TRIM2: variants seen among roughly 807,000 people sequenced by gnomAD.
TRIM2 encodes the protein tripartite motif containing 2.
TRIM2 carries 20 observed loss-of-function variants against 75.2 expected under a neutral mutation model. That is an observed-to-expected ratio of 0.27 (90% CI 0.19 to 0.39). TRIM2 has a LOEUF of 0.39. Among genes scored for constraint, TRIM2 ranks in the 10% least tolerant of loss-of-function variants. The probability of loss-of-function intolerance (pLI) is 1.00; values close to 1 mark genes in which losing one functional copy is unlikely to be tolerated. For synonymous variants in TRIM2, 373 were observed against 388.3 expected, an observed-to-expected ratio of 0.96 and a Z score of 0.46; for missense variants, 660 against 990.8, an observed-to-expected ratio of 0.67 and a Z score of 4.48.
intron 1 of TRIM2, among the ~76,000 whole-genome samples, chr4:153,164,582 CTT>C (rs1730094589): frequency 6.6e-6 from 1 of 152,180 alleles, no homozygotes; most frequent in South Asian, 2.1e-4. Flanking sequence ...ATCAAAGTCT[CTT>C]TCCTACCCTG....
At chr4:153,159,595 A>G (rs189816503) in intron 1 of TRIM2, among the ~76,000 whole-genome samples, 4 of 152,246 alleles carry the variant, frequency 2.6e-5, no homozygotes. Context: ...CATGAGCCAC[A>G]CCAGCCTAAA....
chr4:153,298,738 C>A (rs1212831508), intron 6 of TRIM2, among the ~76,000 whole-genome samples: 2 of 151,966 alleles, frequency 1.3e-5, no homozygotes, highest in African/African-American at 4.8e-5. Context: ...TAATATATTT[C>A]TTTTCTTGTT....
intron 1 of TRIM2, among the ~76,000 whole-genome samples, chr4:153,260,869 T>C (rs950828996): frequency 6.6e-6 from 1 of 152,104 alleles, no homozygotes; most frequent in African/African-American, 2.4e-5. Context: ...TCACTAAAGA[T>C]TGTCCTCTTT....
chr4:153,243,617 G>GA (rs1157863435), intron 1 of TRIM2, among the ~76,000 whole-genome samples: 1 of 152,188 alleles, frequency 6.6e-6, no homozygotes, highest in Non-Finnish European at 1.5e-5. Flanking sequence ...ATTAAGGATG[G>GA]AGACATCTGT....
chr4:153,269,763 C>G (rs1756177619), intron 1 of TRIM2, among the ~76,000 whole-genome samples: 1 of 151,994 alleles, frequency 6.6e-6, no homozygotes, highest in African/African-American at 2.4e-5. Context: ...TACAACATGC[C>G]CTCTTTTAAT....
chr4:153,186,412 G>T (rs1249303537), intron 1 of TRIM2, among the ~76,000 whole-genome samples: 1 of 152,150 alleles, frequency 6.6e-6, no homozygotes, highest in Non-Finnish European at 1.5e-5. Flanking sequence ...AAGAAATATG[G>T]AGGGCATTTA....
intron 8 of TRIM2, among the ~76,000 whole-genome samples, chr4:153,319,801 G>A (rs1477042091): frequency 6.6e-6 from 1 of 152,044 alleles, no homozygotes; most frequent in Non-Finnish European, 1.5e-5. Context: ...CACAATCAGG[G>A]AAATGCAGGG....
chr4:153,294,993 A>G (rs1265218344), intron 5 of TRIM2, among the ~76,000 whole-genome samples: 1 of 152,176 alleles, frequency 6.6e-6, no homozygotes, highest in East Asian at 1.9e-4. Flanking sequence ...TGAATAATGA[A>G]TATTTCAGAT....
Position 153,295,863 on chromosome 4 carries a change from T to C in TRIM2, c.1337T>C (p.Leu446Pro). The change falls in exon 6 of 12, where the codon CTG (leucine) becomes CCG (proline). Residue 446 changes from leucine to proline, a missense_variant. Physicochemically the swap from Leu to Pro is moderately conservative, Grantham distance 98. Transcript: ENST00000338700. This position sits in a 1 kb window ranked among gnomAD's most constrained non-coding sequence, Gnocchi z 7.2. ...CACATCCGAGGCAGCCCGTTTAAGC[T>C]GAAAGTGATCCGATCCGCTGATGTG... The part of the protein sequence containing the change: ...DQHIRGSPFK[L>P]KVIRSADVSP... 1.2e-6 allele frequency: 2 copies of C among 1,614,020 alleles called. No individual in the cohort carries two copies. Among genetic ancestry groups the C allele is most frequent in the Non-Finnish European group, 1.7e-6 (2 of 1,179,994 alleles).
intron 6 of TRIM2, among the ~76,000 whole-genome samples, chr4:153,303,996 T>C (rs767970850): frequency 1.3e-5 from 2 of 152,152 alleles, no homozygotes; most frequent in Non-Finnish European, 2.9e-5. Flanking sequence ...GAGACAGACA[T>C]GTAAAAGATG....
chr4:153,299,946 C>A (rs1180045707), intron 6 of TRIM2, among the ~76,000 whole-genome samples: 1 of 152,146 alleles, frequency 6.6e-6, no homozygotes. Flanking sequence ...AATAAGAACC[C>A]CTTCCCTCCC....
At chr4:153,307,450 T>C (rs771201638) in intron 6 of TRIM2, among the ~76,000 whole-genome samples, 4 of 152,164 alleles carry the variant, frequency 2.6e-5, no homozygotes, top group Non-Finnish European at 4.4e-5. Flanking sequence ...AAAAAATATA[T>C]ATTTTTTTAC....
intron 6 of TRIM2, 143 bp from the exon 7 acceptor site, chr4:153,315,342 G>A: frequency 1.7e-6 from 1 of 596,768 alleles, no homozygotes; most frequent in East Asian, 3.1e-5. Context: ...AGGTTATTGG[G>A]GAGGGAGGGT....
In TRIM2 at chr4:153,275,948, C is replaced by T; in HGVS notation, c.271C>T (p.Arg91Cys). 5 of 1,614,204 alleles carry T rather than the reference C, an allele frequency of 3.1e-6. No individual in the cohort carries two copies. Among genetic ancestry groups the T allele is most frequent in the Non-Finnish European group, 4.2e-6 (5 of 1,180,034 alleles). ...HSLTLSCPVC[R>C]QTSILPEKGV... ...TTTAACCCTCTCCTGCCCAGTGTGCCGCCAGACCTCCATCCTGCCCGAGAA... is the reference window on the plus strand; with the variant it reads ...TTTAACCCTCTCCTGCCCAGTGTGCTGCCAGACCTCCATCCTGCCCGAGAA... The change falls in exon 3 of 12, where the codon CGC (arginine) becomes TGC (cysteine). Residue 91 changes from arginine (R) to cysteine (C), a missense_variant. Arg to Cys is a radical substitution (Grantham distance 180). Coordinates refer to ENST00000338700, the MANE Select transcript of TRIM2 (RefSeq NM_015271.5).
chr4:153,262,572 C>T (rs1220148824), intron 1 of TRIM2, among the ~76,000 whole-genome samples: 1 of 152,098 alleles, frequency 6.6e-6, no homozygotes, highest in African/African-American at 2.4e-5. Context: ...CTGCACAATA[C>T]AATAGTGATG....
At chr4:153,161,603 G>A (rs1360761278) in intron 1 of TRIM2, among the ~76,000 whole-genome samples, 1 of 152,168 alleles carries the variant, frequency 6.6e-6, no homozygotes, top group African/African-American at 2.4e-5. Flanking sequence ...GCTCCCCTTG[G>A]AGTTCCCTGC....
chr4:153,327,829 C>G (rs1044651981), intron 10 of TRIM2, among the ~76,000 whole-genome samples: 5 of 152,258 alleles, frequency 3.3e-5, no homozygotes, highest in Middle Eastern at 3.4e-3. Context: ...CGTCTCTCTA[C>G]TGAGAGATAA....
At chr4:153,287,151 T>A (rs975505826) in intron 3 of TRIM2, among the ~76,000 whole-genome samples, 1 of 152,162 alleles carries the variant, frequency 6.6e-6, no homozygotes, top group East Asian at 1.9e-4. Context: ...CTAATTTTTG[T>A]ATTTTTTTAA....
At chr4:153,276,514 A>T (rs1425922448) in intron 3 of TRIM2, among the ~76,000 whole-genome samples, 2 of 152,206 alleles carry the variant, frequency 1.3e-5, no homozygotes, top group Non-Finnish European at 2.9e-5. Flanking sequence ...CTTGGGAGGG[A>T]AATTTTCTCA....
Sources: gnomAD v4.1 joint callset for allele counts (sites outside exome capture counted in the v4.1 genomes callset) on GRCh38, gnomAD v4.1.1 for gene constraint, Gnocchi (gnomAD v3.1) non-coding constraint, MANE v1.5 for transcripts, NCBI Gene and HGNC (gene_info 2026-07-23, HGNC 2026-07-21) for gene names.